The following ACSS3 variants were observed in gnomAD, a reference collection of about 807,000 sequenced individuals.
ACSS3 encodes the protein acyl-CoA synthetase short chain family member 3.
ACSS3 carries 64 observed loss-of-function variants against 84.2 expected under a neutral mutation model. The observed-to-expected ratio is 0.76, with a 90% CI of 0.62 to 0.94. The LOEUF is 0.94. ACSS3 is among the 40% of genes least tolerant of loss of function. ACSS3 has a pLI of 0.00. For missense variants in ACSS3, 815 were observed against 867.6 expected (o/e 0.94, Z 0.76); for synonymous variants, 317 against 310.1 (o/e 1.02, Z -0.23).
intron 7 of ACSS3, among the ~76,000 whole-genome samples, chr12:81,155,633 T>A (rs117144454): frequency 0.01 from 1,552 of 152,370 alleles, 9 homozygotes; most frequent in Middle Eastern, 0.031. Context: ...CATTACAGTT[T>A]GTTGAATCTA....
Position 81,107,511 on chromosome 12 carries a change from C to CACATATAT in ACSS3, c.312-2048_312-2047insCATATATA, listed in dbSNP as rs1403415163. Among the ~76,000 whole-genome samples, 6 of 38,834 alleles carry CACATATAT rather than the reference C, an allele frequency of 1.5e-4. 1 individual carries two copies. Among genetic ancestry groups the CACATATAT allele is most frequent in the East Asian group, 1.1e-3 (1 of 888 alleles). The allele number at this position is 38,834 out of a possible 152,430, so 25.5% of individuals were successfully genotyped here. A position where few individuals can be genotyped will look rare whatever the true frequency, so the allele number is the denominator to read the frequency against. Reference sequence around the variant, plus strand: ...TTTTTTTTTCAGGTACAAATATATACATATATATATATATATATATATATA... The same window carrying CACATATAT: ...TTTTTTTTTCAGGTACAAATATATACACATATATATATATATATATATATATATATATA... On this transcript the variant is annotated intron_variant, in intron 1 of 15. Coordinates refer to ENST00000548058, the MANE Select transcript of ACSS3 (RefSeq NM_024560.4).
At chr12:81,135,104 C>A in intron 3 of ACSS3, 100 bp downstream of exon 3, 1 of 1,009,540 alleles carries the variant, frequency 9.9e-7, no homozygotes, top group Non-Finnish European at 1.3e-6. Flanking sequence ...CTTGTTAGAT[C>A]CTCCCTTCAA....
At chr12:81,166,422 A>G (rs1388883823) in intron 7 of ACSS3, among the ~76,000 whole-genome samples, 1 of 152,214 alleles carries the variant, frequency 6.6e-6, no homozygotes, top group Non-Finnish European at 1.5e-5. Context: ...TTTGTATGAC[A>G]TTGTGAAGTA....
chr12:81,214,474 G>T (rs1449216676), intron 9 of ACSS3, among the ~76,000 whole-genome samples: 1 of 152,088 alleles, frequency 6.6e-6, no homozygotes, highest in Non-Finnish European at 1.5e-5. Context: ...TAAAGTTTAA[G>T]ACTCAAATTA....
At chr12:81,177,248 C>A (rs1032714785) in intron 8 of ACSS3, among the ~76,000 whole-genome samples, 2 of 152,008 alleles carry the variant, frequency 1.3e-5, no homozygotes, top group African/African-American at 4.8e-5. Context: ...TTGTAAACCA[C>A]AACAAAACAA....
rs753548675 is a variant in ACSS3, at chr12:81,139,266, G to T, written c.780+1G>T. On this transcript the variant is annotated splice_donor_variant, in intron 4 of 15. Transcript: ENST00000548058. LOFTEE classifies it high-confidence loss of function. ...TCTCATTTATAATCGTCCAAATATGGTAATCTGAATATTGAATTTGGTTCT... is the reference window on the plus strand; with the variant it reads ...TCTCATTTATAATCGTCCAAATATGTTAATCTGAATATTGAATTTGGTTCT... The T allele has an allele frequency of 1.2e-6, 2 of 1,613,588 alleles. No individual in the cohort carries two copies. Among genetic ancestry groups the T allele is most frequent in the Non-Finnish European group, 8.5e-7 (1 of 1,179,768 alleles).
intron 1 of ACSS3, among the ~76,000 whole-genome samples, chr12:81,080,449 G>T (rs11114752): frequency 1.3e-5 from 2 of 151,620 alleles, no homozygotes; most frequent in Non-Finnish European, 2.9e-5. Flanking sequence ...TGATAACACC[G>T]TATCTGAATT....
intron 13 of ACSS3, 68 bp from the exon 14 acceptor site, chr12:81,253,239 A>G: frequency 1.4e-6 from 2 of 1,450,336 alleles, no homozygotes; most frequent in Non-Finnish European, 1.9e-6. Flanking sequence ...CTGTATCTAT[A>G]TCTATATGTT....
At chr12:81,250,276 C>A (rs985739838) in intron 13 of ACSS3, among the ~76,000 whole-genome samples, 1 of 151,992 alleles carries the variant, frequency 6.6e-6, no homozygotes, top group East Asian at 1.9e-4. Flanking sequence ...ATGGGGCCAA[C>A]ATAAAAAGCT....
chr12:81,094,790 A>C (rs1477189520), intron 1 of ACSS3: 3 of 152,200 alleles, frequency 2.0e-5, no homozygotes, highest in Non-Finnish European at 4.4e-5. Context: ...AAATGAAAAA[A>C]TGTATAGTCC....
intron 2 of ACSS3, among the ~76,000 whole-genome samples, chr12:81,130,249 A>G (rs1885400809): frequency 6.6e-6 from 1 of 152,220 alleles, no homozygotes; most frequent in Non-Finnish European, 1.5e-5. Context: ...CCAGCAGTGT[A>G]AAAATGTTCC....
chr12:81,134,188 C>T (rs539203828), intron 2 of ACSS3, among the ~76,000 whole-genome samples: 25 of 152,136 alleles, frequency 1.6e-4, no homozygotes, highest in Admixed American at 1.3e-3. Flanking sequence ...AATATGAGGT[C>T]GGAAGACCTG....
At chr12:81,177,632 C>T (rs1250585961) in intron 8 of ACSS3, among the ~76,000 whole-genome samples, 2 of 152,084 alleles carry the variant, frequency 1.3e-5, no homozygotes, top group African/African-American at 4.8e-5. Flanking sequence ...AAACCAACAA[C>T]CCCATCAAAA....
intron 9 of ACSS3, among the ~76,000 whole-genome samples, chr12:81,201,090 G>A (rs1445535897): frequency 6.6e-6 from 1 of 152,046 alleles, no homozygotes; most frequent in African/African-American, 2.4e-5. Flanking sequence ...TAACTCTTTA[G>A]AAAATACAAA....
intron 2 of ACSS3, among the ~76,000 whole-genome samples, chr12:81,113,473 A>C (rs568994921): frequency 6.6e-6 from 1 of 152,242 alleles, no homozygotes; most frequent in African/African-American, 2.4e-5. Flanking sequence ...TTTATTACTC[A>C]GTATCATTCC....
intron 2 of ACSS3, among the ~76,000 whole-genome samples, chr12:81,133,598 G>A (rs1442573693): frequency 6.6e-6 from 1 of 151,870 alleles, no homozygotes; most frequent in East Asian, 1.9e-4. Flanking sequence ...TTACAAAACT[G>A]TTGCTTTCTT....
At chr12:81,126,635 A>T (rs1197997339) in intron 2 of ACSS3, among the ~76,000 whole-genome samples, 1 of 152,228 alleles carries the variant, frequency 6.6e-6, no homozygotes, top group African/African-American at 2.4e-5. Flanking sequence ...ACATAGGGAA[A>T]TACAGGATTT....
chr12:81,228,244 G>A (rs896924113), intron 11 of ACSS3, among the ~76,000 whole-genome samples: 7 of 151,804 alleles, frequency 4.6e-5, no homozygotes, highest in East Asian at 1.9e-4. Context: ...CAAGTTCTAC[G>A]TTAAATTTCA....
intron 2 of ACSS3, among the ~76,000 whole-genome samples, chr12:81,115,527 C>A (rs1883966476): frequency 1.3e-5 from 2 of 152,048 alleles, no homozygotes; most frequent in Admixed American, 1.3e-4. Flanking sequence ...TCTCAAACTC[C>A]TGGGCTCAAG....
Sources: allele counts gnomAD v4.1 joint callset (sites outside exome capture counted in the v4.1 genomes callset), GRCh38; gene constraint gnomAD v4.1.1; transcripts MANE v1.5; gene names NCBI Gene and HGNC (gene_info 2026-07-23, HGNC 2026-07-21).